GCNT2: variants seen among roughly 807,000 people sequenced by gnomAD.
The protein encoded by GCNT2 is N-acetyllactosaminide beta-1,6-N-acetylglucosaminyl-transferase.
Under a neutral mutation model 34.2 loss-of-function variants are expected in GCNT2, and 34 were observed. The observed-to-expected ratio is 1.00, with a 90% CI of 0.76 to 1.32. GCNT2 has a LOEUF of 1.32. Among genes scored for constraint, GCNT2 ranks in the 40% most tolerant of loss-of-function variants. The pLI is 0.00. For synonymous variants in GCNT2, 212 were observed against 188.0 expected, an observed-to-expected ratio of 1.13 and a Z score of -1.04; for missense variants, 584 against 489.4, an observed-to-expected ratio of 1.19 and a Z score of -1.82.
intron 3 of GCNT2, among the ~76,000 whole-genome samples, chr6:10,608,841 T>C (rs1444802074): frequency 6.6e-6 from 1 of 152,120 alleles, no homozygotes; most frequent in Non-Finnish European, 1.5e-5. Context: ...GGCAGGACAT[T>C]TGGGTGTGTG....
intron 1 of GCNT2, among the ~76,000 whole-genome samples, chr6:10,525,631 G>T (rs1761146804): frequency 6.6e-6 from 1 of 152,088 alleles, no homozygotes; most frequent in Non-Finnish European, 1.5e-5. Context: ...AAGGAAATAG[G>T]TTCATATTAA....
intron 3 of GCNT2, among the ~76,000 whole-genome samples, chr6:10,593,763 A>G (rs1243959790): frequency 6.6e-6 from 1 of 152,240 alleles, no homozygotes; most frequent in Non-Finnish European, 1.5e-5. Context: ...ACAATGATCA[A>G]TATATACTCG....
chr6:10,569,059 G>A lies in GCNT2; in HGVS notation c.925+39223G>A, dbSNP rs552410802. ...CGCGACTAGACTATAATGTCTTTGA[G>A]GTCTTTTGTATTTTTGGCAGTCCAG... On this transcript the variant is annotated intron_variant, in intron 3 of 4. Transcript: ENST00000495262. Among the ~76,000 whole-genome samples the A allele has an allele frequency of 2.6e-5, 4 of 152,040 alleles. No individual in the cohort carries two copies. The East Asian group carries it at 7.7e-4, about 29-fold the overall frequency.
At chr6:10,593,672 A>G (rs1561825630) in intron 3 of GCNT2, among the ~76,000 whole-genome samples, 1 of 152,194 alleles carries the variant, frequency 6.6e-6, no homozygotes, top group Non-Finnish European at 1.5e-5. Context: ...TTGCATTTTG[A>G]TGGCTTCTAA....
intron 3 of GCNT2, among the ~76,000 whole-genome samples, chr6:10,614,989 A>C (rs1765703069): frequency 6.6e-6 from 1 of 152,194 alleles, no homozygotes; most frequent in South Asian, 2.1e-4. Flanking sequence ...GATGTGAGAG[A>C]TCCGTTAAAA....
chr6:10,529,420 AC>A lies in GCNT2; in HGVS notation c.511del (p.Leu171Ter). ...VYGGISRLQA[D>X]LNCLEDLVAS... Reference sequence around the variant, plus strand: ...GGGGGGATCTCCAGGCTCCAGGCTGACCTGAACTGCCTGGAAGACCTTGTGG... The same window carrying A: ...GGGGGGATCTCCAGGCTCCAGGCTGACTGAACTGCCTGGAAGACCTTGTGG... On this transcript the variant is annotated frameshift_variant, in exon 3 of 5. Transcript: ENST00000495262. LOFTEE classifies it high-confidence loss of function. 1 of 1,614,112 alleles carries A rather than the reference AC, an allele frequency of 6.2e-7. No individual in the cohort carries two copies. The highest frequency in any genetic ancestry group is 8.5e-7 in the Non-Finnish European group (1 of 1,180,018).
chr6:10,543,237 T>C (rs936192123), intron 3 of GCNT2, among the ~76,000 whole-genome samples: 4 of 149,518 alleles, frequency 2.7e-5, no homozygotes, highest in African/African-American at 9.9e-5. Flanking sequence ...AGAGTCTCGC[T>C]CTGTCGCCCA....
intron 3 of GCNT2, among the ~76,000 whole-genome samples, chr6:10,617,750 C>CTTTTT (rs3064178): frequency 7.9e-5 from 8 of 101,738 alleles, no homozygotes; most frequent in African/African-American, 3.5e-4. Flanking sequence ...TGCATTTCTT[C>CTTTTT]TTTTTTTTTT....
intron 3 of GCNT2, among the ~76,000 whole-genome samples, chr6:10,605,642 A>C (rs954867448): frequency 6.6e-6 from 1 of 152,274 alleles, no homozygotes; most frequent in Non-Finnish European, 1.5e-5. Flanking sequence ...TGGCAGCCAC[A>C]GTGAGGAAAC....
intron 3 of GCNT2, among the ~76,000 whole-genome samples, chr6:10,550,124 G>A (rs1476880226): frequency 6.6e-6 from 1 of 152,134 alleles, no homozygotes; most frequent in African/African-American, 2.4e-5. Context: ...CGCAATCTGG[G>A]CTCACTGAAA....
At chr6:10,591,130 G>A (rs1204952160) in intron 3 of GCNT2, among the ~76,000 whole-genome samples, 1 of 152,136 alleles carries the variant, frequency 6.6e-6, no homozygotes, top group African/African-American at 2.4e-5. Context: ...TCTTCTACCA[G>A]ACCTCCTCAG....
intron 4 of GCNT2, 150 bp from the exon 5 acceptor site, chr6:10,626,267 G>A: frequency 2.9e-6 from 2 of 684,658 alleles, no homozygotes; most frequent in Non-Finnish European, 5.3e-6. Context: ...AGTTCTTTGT[G>A]GGCTGAGACT....
At chr6:10,625,456 A>G (rs1436124740) in intron 4 of GCNT2, among the ~76,000 whole-genome samples, 1 of 151,878 alleles carries the variant, frequency 6.6e-6, no homozygotes, top group African/African-American at 2.4e-5. Context: ...CTTGTTTCTA[A>G]CCTATTCCCA....
intron 3 of GCNT2, among the ~76,000 whole-genome samples, chr6:10,613,783 C>T (rs757232988): frequency 3.5e-4 from 53 of 152,204 alleles, no homozygotes; most frequent in Non-Finnish European, 6.9e-4. Flanking sequence ...GGTTGAAAAG[C>T]CACTGATCAG....
chr6:10,546,163 C>T (rs538296063), intron 3 of GCNT2, among the ~76,000 whole-genome samples: 1 of 152,266 alleles, frequency 6.6e-6, no homozygotes, highest in South Asian at 2.1e-4. Context: ...ATCTCAGCAG[C>T]ATATACGGCA....
At chr6:10,589,660 G>A (rs1418267965) in intron 3 of GCNT2, among the ~76,000 whole-genome samples, 1 of 152,018 alleles carries the variant, frequency 6.6e-6, no homozygotes, top group Non-Finnish European at 1.5e-5. Context: ...GATTTGAAAG[G>A]TCCCAAATTT....
chr6:10,559,801 C>T (rs994842255), intron 3 of GCNT2, among the ~76,000 whole-genome samples: 3 of 152,212 alleles, frequency 2.0e-5, no homozygotes, highest in Admixed American at 2.0e-4. Flanking sequence ...CGTGCCATGT[C>T]CTGGGGCTTT....
chr6:10,549,218 G>T (rs975113392), intron 3 of GCNT2, among the ~76,000 whole-genome samples: 1 of 152,150 alleles, frequency 6.6e-6, no homozygotes, highest in Non-Finnish European at 1.5e-5. Flanking sequence ...AGCCCAAAAT[G>T]CCAATAGTGC....
chr6:10,540,030 G>A (rs1761965460), intron 3 of GCNT2, among the ~76,000 whole-genome samples: 1 of 151,872 alleles, frequency 6.6e-6, no homozygotes, highest in African/African-American at 2.4e-5. Flanking sequence ...GTGAGGGGTG[G>A]TCGTGACATT....
Sources: gnomAD v4.1 joint callset for allele counts (sites outside exome capture counted in the v4.1 genomes callset) on GRCh38, gnomAD v4.1.1 for gene constraint, MANE v1.5 for transcripts, NCBI Gene and HGNC (gene_info 2026-07-23, HGNC 2026-07-21) for gene names.